The following SLC14A2 variants were observed in gnomAD, a reference collection of about 807,000 sequenced individuals.
SLC14A2 encodes the protein solute carrier family 14 member 2.
A neutral mutation model predicts 104.6 loss-of-function variants in SLC14A2; 91 were observed. That is an observed-to-expected ratio of 0.87 (90% CI 0.73 to 1.04). The LOEUF (loss-of-function observed/expected upper bound fraction) is 1.04. Among genes scored for constraint, SLC14A2 ranks in the 50% least tolerant of loss-of-function variants. SLC14A2 has a pLI of 0.00. For missense variants in SLC14A2, 1,189 were observed against 1,156.0 expected (o/e 1.03, Z -0.41); for synonymous variants, 476 against 466.4 (o/e 1.02, Z -0.27).
chr18:45,569,649 G>T (rs1398703872), intron 2 of SLC14A2, among the ~76,000 whole-genome samples: 6 of 152,228 alleles, frequency 3.9e-5, no homozygotes, highest in Admixed American at 3.9e-4. Flanking sequence ...TAGGTAAGCT[G>T]TAGTGACAGT....
At chr18:45,588,061 G>T (rs1180206732) in intron 2 of SLC14A2, among the ~76,000 whole-genome samples, 25 of 152,124 alleles carry the variant, frequency 1.6e-4, no homozygotes, top group Admixed American at 1.1e-3. Flanking sequence ...CCTTGAAAAG[G>T]GGAATGCTGA....
chr18:45,558,966 A>T (rs1036932479), intron 2 of SLC14A2, among the ~76,000 whole-genome samples: 2 of 151,732 alleles, frequency 1.3e-5, no homozygotes, highest in South Asian at 2.1e-4. Flanking sequence ...AATTTTTTGT[A>T]TTTTAGTAGA....
intron 2 of SLC14A2, among the ~76,000 whole-genome samples, chr18:45,586,525 G>T: frequency 6.6e-6 from 1 of 152,070 alleles, no homozygotes; most frequent in East Asian, 1.9e-4. Flanking sequence ...ACTTCTGGCT[G>T]CTGAATGGAG....
chr18:45,201,906 G>A, the SLC14A2 span, among the ~76,000 whole-genome samples: 75 of 152,170 alleles, frequency 4.9e-4, no homozygotes, highest in African/African-American at 1.8e-3. Flanking sequence ...AAGAAATTCA[G>A]CTGAGATAAC....
intron 1 of SLC14A2, among the ~76,000 whole-genome samples, chr18:45,226,055 A>C (rs2084112946): frequency 6.6e-6 from 1 of 152,242 alleles, no homozygotes; most frequent in East Asian, 1.9e-4. Context: ...TGCAGCCAAA[A>C]GACACATGAA....
chr18:45,451,259 T>G (rs2086852909), intron 1 of SLC14A2, among the ~76,000 whole-genome samples: 1 of 151,890 alleles, frequency 6.6e-6, no homozygotes, highest in Non-Finnish European at 1.5e-5. Flanking sequence ...TGAAAGAACT[T>G]GCTGAAAGCC....
chr18:45,524,048 T>G (rs773149766), intron 2 of SLC14A2, among the ~76,000 whole-genome samples: 1 of 152,240 alleles, frequency 6.6e-6, no homozygotes, highest in Non-Finnish European at 1.5e-5. Context: ...CTGAATACTC[T>G]GGGCTGCCTC....
Position 45,667,071 on chromosome 18 carries a change from A to G in SLC14A2, c.1694A>G (p.Lys565Arg). 1 of 1,613,884 alleles carries G rather than the reference A, an allele frequency of 6.2e-7. No homozygotes were observed. Among genetic ancestry groups the G allele is most frequent in the African/African-American group, 1.3e-5 (1 of 75,034 alleles). ...KALSYITGEM[K>R]ECGEGLKDKS... is the part of the protein sequence containing the mutation. ...CTCAGCTACATCACAGGAGAGATGA[A>G]GGAGTGTGGAGAGGGACTTAAAGGT... Residue 565 changes from lysine to arginine, a missense_variant, in exon 13 of 20, where the codon AAG becomes AGG. By Grantham distance (26) the Lys-to-Arg change is conservative. Coordinates refer to ENST00000255226, the MANE Select transcript of SLC14A2 (RefSeq NM_007163.4).
chr18:45,278,917 C>T (rs1276915410), intron 1 of SLC14A2, among the ~76,000 whole-genome samples: 3 of 152,154 alleles, frequency 2.0e-5, no homozygotes, highest in South Asian at 2.1e-4. Context: ...GTATGGGAGG[C>T]GTGATGTAAA....
At chr18:45,679,154 A>T in intron 19 of SLC14A2, 130 bp downstream of exon 19, 1 of 822,660 alleles carries the variant, frequency 1.2e-6, no homozygotes, top group Non-Finnish European at 1.9e-6. Flanking sequence ...TTCAAGTCAC[A>T]CTACTCACTT....
At chr18:45,306,051 G>T (rs1453598466) in intron 1 of SLC14A2, among the ~76,000 whole-genome samples, 2 of 152,136 alleles carry the variant, frequency 1.3e-5, no homozygotes, top group African/African-American at 4.8e-5. Context: ...TGAGGCACAG[G>T]TTCCTTGGTT....
chr18:45,352,658 G>A (rs140666024), intron 1 of SLC14A2, among the ~76,000 whole-genome samples: 1 of 152,054 alleles, frequency 6.6e-6, no homozygotes, highest in African/African-American at 2.4e-5. Context: ...GTTTACAAGT[G>A]ACACCAAAGG....
At chr18:45,588,772 GT>G (rs1473092758) in intron 2 of SLC14A2, among the ~76,000 whole-genome samples, 2 of 152,154 alleles carry the variant, frequency 1.3e-5, no homozygotes, top group African/African-American at 4.8e-5. Flanking sequence ...CCCAGAGGTG[GT>G]TTAGCCTCAC....
chr18:45,496,706 C>G (rs1449854053), intron 2 of SLC14A2, among the ~76,000 whole-genome samples: 1 of 152,160 alleles, frequency 6.6e-6, no homozygotes, highest in Non-Finnish European at 1.5e-5. Flanking sequence ...CTGCTTGAAC[C>G]CAGGAGGTAG....
intron 1 of SLC14A2, among the ~76,000 whole-genome samples, chr18:45,456,174 A>G (rs1247137012): frequency 6.6e-6 from 1 of 152,130 alleles, no homozygotes; most frequent in African/African-American, 2.4e-5. Flanking sequence ...GTGTCCCCAG[A>G]CATAGCCAAA....
At chr18:45,386,347 G>A (rs1598743046) in intron 1 of SLC14A2, among the ~76,000 whole-genome samples, 1 of 152,170 alleles carries the variant, frequency 6.6e-6, no homozygotes, top group South Asian at 2.1e-4. Context: ...CTCAGTTTTT[G>A]TGGCTTTTTG....
upstream of SLC14A2, among the ~76,000 whole-genome samples, chr18:45,611,822 A>G (rs1725205182): frequency 6.6e-6 from 1 of 152,236 alleles, no homozygotes; most frequent in Admixed American, 6.5e-5. Flanking sequence ...GAAGAGCACC[A>G]TCTATAGCTT....
Position 45,682,842 on chromosome 18 carries a change from C to G in SLC14A2, c.*323C>G, listed in dbSNP as rs2046332515. ...GGGCACGGTGGCTCACGCCTGTAAT[C>G]CCAGCACTTTGGGAGGCCGAGGCGG... is the stretch of plus-strand genomic sequence containing the variant. On this transcript the variant is annotated 3_prime_UTR_variant, in exon 20 of 20. Transcript: ENST00000255226. 1.4e-5 allele frequency: 4 copies of G among 282,266 alleles called. No homozygotes were observed. Among genetic ancestry groups the G allele is most frequent in the African/African-American group, 2.2e-5 (1 of 46,300 alleles). 17.5% of individuals were successfully genotyped at this position (282,266 alleles called of 1,614,324 possible).
intron 1 of SLC14A2, among the ~76,000 whole-genome samples, chr18:45,332,365 T>C (rs1490241952): frequency 6.6e-6 from 1 of 152,246 alleles, no homozygotes; most frequent in Non-Finnish European, 1.5e-5. Flanking sequence ...ATGTATTAGG[T>C]ATTATAAGTA....
Sources: gnomAD v4.1 joint callset for allele counts (sites outside exome capture counted in the v4.1 genomes callset) on GRCh38, gnomAD v4.1.1 for gene constraint, MANE v1.5 for transcripts, NCBI Gene and HGNC (gene_info 2026-07-23, HGNC 2026-07-21) for gene names.